The following STAU2 variants were observed in gnomAD, a reference collection of about 807,000 sequenced individuals.
The protein encoded by STAU2 is double-stranded RNA-binding protein Staufen homolog 2.
STAU2 carries 20 observed loss-of-function variants against 65.9 expected under a neutral mutation model. That is an observed-to-expected ratio of 0.30 (90% CI 0.21 to 0.44). STAU2 has a LOEUF of 0.44. Ranked by LOEUF, STAU2 falls within the 20% of genes least tolerant of loss-of-function variation. The pLI is 1.00. For synonymous variants in STAU2, 232 were observed against 233.9 expected, an observed-to-expected ratio of 0.99 and a Z score of 0.07; for missense variants, 558 against 683.9, an observed-to-expected ratio of 0.82 and a Z score of 2.05.
intron 13 of STAU2, among the ~76,000 whole-genome samples, chr8:73,434,003 G>A (rs920546567): frequency 4.0e-5 from 6 of 151,772 alleles, no homozygotes; most frequent in Non-Finnish European, 8.8e-5. Flanking sequence ...ATGGCAAAAG[G>A]GACTCTGTGC....
rs540246200 is a variant in STAU2, at chr8:73,582,534, A to G, written c.1222+236T>C. Among the ~76,000 whole-genome samples the G allele has an allele frequency of 1.3e-4, 20 of 152,134 alleles. No individual in the cohort carries two copies. In the East Asian group the frequency reaches 3.9e-3, roughly 29 times the overall value. The stretch of plus-strand genomic sequence containing the variant: ...AACTTTAAAAAAGCATGTGATCACT[A>G]CATGTATTAAATGGCAGTCTGTCTG... On this transcript the variant is annotated intron_variant, in intron 12 of 14. Transcript: ENST00000524300.
At chr8:73,542,187 T>A (rs1197975252) in intron 13 of STAU2, among the ~76,000 whole-genome samples, 7 of 152,146 alleles carry the variant, frequency 4.6e-5, no homozygotes. Flanking sequence ...AGTATCTTAA[T>A]GCTTTAAGTA....
chr8:73,658,101 C>T (rs554149611), intron 6 of STAU2, among the ~76,000 whole-genome samples: 34 of 150,568 alleles, frequency 2.3e-4, no homozygotes, highest in Admixed American at 9.3e-4. Flanking sequence ...CGGTGGCTCA[C>T]GCCTGTAATC....
chr8:73,560,839 A>G (rs1172690584), intron 12 of STAU2, among the ~76,000 whole-genome samples: 1 of 152,250 alleles, frequency 6.6e-6, no homozygotes, highest in African/African-American at 2.4e-5. Context: ...GAACTGGGAA[A>G]TGCCTTTGGA....
chr8:73,606,109 T>C (rs1300399246), intron 9 of STAU2, among the ~76,000 whole-genome samples: 2 of 152,080 alleles, frequency 1.3e-5, no homozygotes, highest in African/African-American at 2.4e-5. Flanking sequence ...ATGTAATTTC[T>C]AAAACTATAA....
chr8:73,571,129 A>G (rs1809049600), intron 12 of STAU2, among the ~76,000 whole-genome samples: 1 of 152,216 alleles, frequency 6.6e-6, no homozygotes, highest in African/African-American at 2.4e-5. Context: ...TAAACCAACA[A>G]AGATCAAAAG....
intron 3 of STAU2, among the ~76,000 whole-genome samples, chr8:73,736,798 G>T (rs1363359570): frequency 6.6e-6 from 1 of 152,210 alleles, no homozygotes; most frequent in Non-Finnish European, 1.5e-5. Flanking sequence ...AGATGGCATG[G>T]GATGCACAGG....
At chr8:73,641,612 C>T (rs1052157444) in intron 6 of STAU2, among the ~76,000 whole-genome samples, 7 of 152,096 alleles carry the variant, frequency 4.6e-5, no homozygotes, top group African/African-American at 1.7e-4. Context: ...CTGAGAAATG[C>T]TACACATTAT....
chr8:73,429,990 A>C (rs1817141104), intron 13 of STAU2, among the ~76,000 whole-genome samples: 1 of 152,186 alleles, frequency 6.6e-6, no homozygotes, highest in Admixed American at 6.5e-5. Flanking sequence ...TTCGCTCAGC[A>C]CTTCCGTAAC....
chr8:73,648,473 C>T (rs138224869), intron 6 of STAU2, among the ~76,000 whole-genome samples: 2 of 152,092 alleles, frequency 1.3e-5, no homozygotes, highest in African/African-American at 4.8e-5. Context: ...AATATATATA[C>T]CTTGGAGAAC....
At chr8:73,527,370 C>CTA in intron 13 of STAU2, 1 of 212,864 alleles carries the variant, frequency 4.7e-6, no homozygotes, top group Non-Finnish European at 9.7e-6. Flanking sequence ...CCAGTGTTAT[C>CTA]TATATTGTTT....
chr8:73,712,877 GC>G (rs1820997200), intron 3 of STAU2, among the ~76,000 whole-genome samples: 1 of 152,182 alleles, frequency 6.6e-6, no homozygotes, highest in Non-Finnish European at 1.5e-5. Flanking sequence ...GATTGCTTGA[GC>G]CCAGGAGTTC....
chr8:73,597,227 C>A (rs1226366286), intron 10 of STAU2, among the ~76,000 whole-genome samples: 5 of 150,522 alleles, frequency 3.3e-5, no homozygotes, highest in African/African-American at 4.9e-5. Context: ...TAAGACTGAT[C>A]AAGAAAAAAA....
Position 73,625,564 on chromosome 8 carries a change from G to A in STAU2, c.411-8113C>T, listed in dbSNP as rs530458258. Among the ~76,000 whole-genome samples the A allele has an allele frequency of 3.9e-5, 6 of 152,268 alleles. No individual in the cohort carries two copies. In the South Asian group the frequency reaches 1.2e-3, roughly 32 times the overall value. Reference sequence around the variant, plus strand: ...GAGCTGGGAGGATGGAGTTTGAGGAGTAACTGTTAACAGGTATGGGGTTTC... The same window carrying A: ...GAGCTGGGAGGATGGAGTTTGAGGAATAACTGTTAACAGGTATGGGGTTTC... On this transcript the variant is annotated intron_variant, in intron 6 of 14. Coordinates refer to ENST00000524300, the MANE Select transcript of STAU2 (RefSeq NM_001164380.2).
intron 6 of STAU2, among the ~76,000 whole-genome samples, chr8:73,671,020 G>C (rs1817631653): frequency 6.6e-6 from 1 of 152,044 alleles, no homozygotes; most frequent in South Asian, 2.1e-4. Context: ...TTGAAAACTG[G>C]TGAAGCAATG....
intron 13 of STAU2, among the ~76,000 whole-genome samples, chr8:73,429,227 T>C (rs1817067069): frequency 6.6e-6 from 1 of 152,110 alleles, no homozygotes; most frequent in African/African-American, 2.4e-5. Flanking sequence ...TCGATGAGCA[T>C]CACTCCGCCA....
intron 13 of STAU2, among the ~76,000 whole-genome samples, chr8:73,442,353 CAA>C (rs10606663): frequency 0.016 from 1,631 of 99,940 alleles, 17 homozygotes; most frequent in African/African-American, 0.05. Context: ...GACTCCGTCT[CAA>C]AAAAAAAAAA....
chr8:73,508,777 G>A (rs2128923206), intron 13 of STAU2, among the ~76,000 whole-genome samples: 1 of 152,168 alleles, frequency 6.6e-6, no homozygotes, highest in Non-Finnish European at 1.5e-5. Flanking sequence ...TTTTCATATA[G>A]CATGTTTTTG....
chr8:73,595,301 A>G lies in STAU2; in HGVS notation c.1030-4T>C, dbSNP rs1811101762. 6.3e-7 allele frequency: 1 copy of G among 1,580,890 alleles called. No homozygotes were observed. The highest frequency in any genetic ancestry group is 8.6e-7 in the Non-Finnish European group (1 of 1,169,188). ...CAACTTCATTGCCTACCTTCACCTGATAAGATTAAAGAAATAAATTAAAGA... is the reference window on the plus strand; with the variant it reads ...CAACTTCATTGCCTACCTTCACCTGGTAAGATTAAAGAAATAAATTAAAGA... On this transcript the variant is annotated splice_region_variant and splice_polypyrimidine_tract_variant and intron_variant, in intron 10 of 14. Coordinates refer to ENST00000524300, the MANE Select transcript of STAU2 (RefSeq NM_001164380.2).
Sources: gnomAD v4.1 joint callset for allele counts (sites outside exome capture counted in the v4.1 genomes callset) on GRCh38, gnomAD v4.1.1 for gene constraint, MANE v1.5 for transcripts, NCBI Gene and HGNC (gene_info 2026-07-23, HGNC 2026-07-21) for gene names.